Variants in ZNF131 observed in about 807,000 individuals in gnomAD.
ZNF131 encodes the protein zinc finger protein 131.
Under a neutral mutation model 60.0 loss-of-function variants are expected in ZNF131, and 7 were observed. The ratio of observed to expected loss-of-function variants is 0.12; its 90% CI spans 0.07 to 0.22. The LOEUF (loss-of-function observed/expected upper bound fraction) is 0.22. Among genes scored for constraint, ZNF131 ranks in the 10% least tolerant of loss-of-function variants. ZNF131 has a pLI of 1.00. For missense variants in ZNF131, 493 were observed against 740.9 expected (o/e 0.67, Z 3.88); for synonymous variants, 257 against 253.2 (o/e 1.01, Z -0.14).
intron 4 of ZNF131, among the ~76,000 whole-genome samples, chr5:43,148,169 C>A (rs934680844): frequency 7.1e-6 from 1 of 140,968 alleles, no homozygotes; most frequent in East Asian, 2.1e-4. Flanking sequence ...CCCAGGAGTT[C>A]AAGACCAGCC....
At chr5:43,132,631 C>T (rs1015532990) in intron 3 of ZNF131, among the ~76,000 whole-genome samples, 2 of 151,662 alleles carry the variant, frequency 1.3e-5, no homozygotes, top group African/African-American at 4.9e-5. Flanking sequence ...CTGCCTCAGC[C>T]TCCCCAGTAG....
At position 43,123,322 on chromosome 5, in the gene ZNF131, T is replaced by C. The variant is rs1744106395; in HGVS notation, c.226+12T>C. On this transcript the variant is annotated intron_variant, in intron 3 of 6. Transcript: ENST00000682664. ...GGTGGAGATAGAAGGTAAATGATTC[T>C]TGTTGTTTTTTTATTTAATAAATCA... 1 of 1,575,228 alleles carries C rather than the reference T, an allele frequency of 6.3e-7. No individual in the cohort carries two copies.
chr5:43,133,530 A>AT (rs1441901431), intron 3 of ZNF131, among the ~76,000 whole-genome samples: 2 of 152,188 alleles, frequency 1.3e-5, no homozygotes, highest in African/African-American at 4.8e-5. Flanking sequence ...GTGTTCTTGC[A>AT]TTTTAGGAAG....
At position 43,122,026 on chromosome 5, in the gene ZNF131, T is replaced by G; in HGVS notation, c.-15-13T>G. The G allele has an allele frequency of 6.2e-7, 1 of 1,612,946 alleles. No homozygotes were observed. The highest frequency in any genetic ancestry group is 8.5e-7 in the Non-Finnish European group (1 of 1,179,634). The stretch of plus-strand genomic sequence containing the variant: ...AGCTCATGGGTGTACATTATCATGC[T>G]CTTCTTTTGTAGAGCAGCCCGACGG... On this transcript the variant is annotated splice_polypyrimidine_tract_variant and intron_variant, in intron 1 of 6. Coordinates refer to ENST00000682664, the MANE Select transcript of ZNF131 (RefSeq NM_001330707.2).
chr5:43,150,572 C>CT (rs1469502972), intron 4 of ZNF131, among the ~76,000 whole-genome samples: 1 of 151,948 alleles, frequency 6.6e-6, no homozygotes, highest in Non-Finnish European at 1.5e-5. Context: ...GGCGGATCAT[C>CT]TGAGGTCAGG....
intron 3 of ZNF131, among the ~76,000 whole-genome samples, chr5:43,134,814 C>T (rs1374788061): frequency 6.8e-6 from 1 of 147,722 alleles, no homozygotes; most frequent in Non-Finnish European, 1.5e-5. Context: ...GATTCTCCTG[C>T]CTCACCCTCC....
chr5:43,164,832 C>T (rs902982717), intron 5 of ZNF131, among the ~76,000 whole-genome samples: 9 of 152,162 alleles, frequency 5.9e-5, no homozygotes, highest in African/African-American at 2.2e-4. Flanking sequence ...ACCATATACC[C>T]ATTGGAGGAA....
At chr5:43,139,068 T>C (rs1458741769) in intron 3 of ZNF131, 97 bp from the exon 4 acceptor site, 6 of 1,072,292 alleles carry the variant, frequency 5.6e-6, no homozygotes, top group African/African-American at 3.3e-5. Flanking sequence ...AAATAAATAC[T>C]CAACAAGCTC....
chr5:43,139,130 A>G (rs1175982009), intron 3 of ZNF131, 35 bp from the exon 4 acceptor site: 5 of 1,465,046 alleles, frequency 3.4e-6, no homozygotes, highest in Non-Finnish European at 4.5e-6. Context: ...TTGAGTCAAT[A>G]TGATTACATG....
chr5:43,121,255 C>T, intron 1 of ZNF131, 132 bp downstream of exon 1: 1 of 152,942 alleles, frequency 6.5e-6, no homozygotes, highest in South Asian at 2.1e-4. Flanking sequence ...GTGTCCGCCC[C>T]TGGAGTCAAG....
intron 3 of ZNF131, among the ~76,000 whole-genome samples, chr5:43,138,109 T>C (rs1188504844): frequency 6.6e-6 from 1 of 152,232 alleles, no homozygotes; most frequent in African/African-American, 2.4e-5. Context: ...GGGCAGTTAC[T>C]AATCAGTGGG....
intron 5 of ZNF131, among the ~76,000 whole-genome samples, chr5:43,165,858 C>G (rs1284700383): frequency 6.6e-6 from 1 of 152,214 alleles, no homozygotes; most frequent in African/African-American, 2.4e-5. Flanking sequence ...GCTGTTTTGT[C>G]TACATTGAAT....
chr5:43,169,174 C>A (rs1750687530), intron 5 of ZNF131, among the ~76,000 whole-genome samples: 1 of 152,202 alleles, frequency 6.6e-6, no homozygotes, highest in Non-Finnish European at 1.5e-5. Context: ...CTTGACCAGT[C>A]ACTTTATCTT....
At chr5:43,136,092 G>A (rs1323152815) in intron 3 of ZNF131, among the ~76,000 whole-genome samples, 2 of 152,234 alleles carry the variant, frequency 1.3e-5, no homozygotes, top group African/African-American at 4.8e-5. Context: ...TCGGGCAACA[G>A]AGTGAGACTT....
chr5:43,150,848 G>A (rs1748216063), intron 4 of ZNF131, among the ~76,000 whole-genome samples: 1 of 152,130 alleles, frequency 6.6e-6, no homozygotes, highest in Non-Finnish European at 1.5e-5. Context: ...TTTATTTAAG[G>A]ATTTATTGAA....
intron 3 of ZNF131, among the ~76,000 whole-genome samples, chr5:43,129,673 G>C (rs935452021): frequency 6.6e-6 from 1 of 152,060 alleles, no homozygotes; most frequent in African/African-American, 2.4e-5. Flanking sequence ...TTGTTTGTTT[G>C]AGATGGAGTC....
intron 3 of ZNF131, chr5:43,123,658 C>CA (rs1744152296): frequency 5.5e-6 from 1 of 182,336 alleles, no homozygotes; most frequent in African/African-American, 2.4e-5. Flanking sequence ...GCTTATGTTT[C>CA]AGACTGCTGG....
intron 5 of ZNF131, among the ~76,000 whole-genome samples, chr5:43,167,394 A>G (rs782987): frequency 0.28 from 42,074 of 152,036 alleles, 6,385 homozygotes; most frequent in East Asian, 0.63. Context: ...TTAGGTCTGT[A>G]AGCAGTTTTA....
intron 3 of ZNF131, among the ~76,000 whole-genome samples, chr5:43,130,869 T>C (rs1039150514): frequency 2.1e-5 from 3 of 141,506 alleles, no homozygotes; most frequent in African/African-American, 8.0e-5. Context: ...CCCGGCTCTT[T>C]TGTTTGTTTT....
Sources: gnomAD v4.1 joint callset for allele counts (sites outside exome capture counted in the v4.1 genomes callset) on GRCh38, gnomAD v4.1.1 for gene constraint, MANE v1.5 for transcripts, NCBI Gene and HGNC (gene_info 2026-07-23, HGNC 2026-07-21) for gene names.